Variants in ELMO1 observed in about 807,000 individuals in gnomAD.
ELMO1 encodes engulfment and cell motility protein 1.
ELMO1 carries 26 observed loss-of-function variants against 98.9 expected under a neutral mutation model. The ratio of observed to expected loss-of-function variants is 0.26; its 90% CI spans 0.19 to 0.36. ELMO1 has a LOEUF of 0.36. Ranked by LOEUF, ELMO1 falls within the 10% of genes least tolerant of loss-of-function variation. ELMO1 has a pLI of 1.00. For synonymous variants in ELMO1, 346 were observed against 346.0 expected (o/e 1.00, Z 0.00); for missense variants, 627 against 935.2 (o/e 0.67, Z 4.30).
intron 5 of ELMO1, chr7:37,269,398 T>C (rs945672748): frequency 3.3e-5 from 5 of 151,330 alleles, no homozygotes; most frequent in East Asian, 1.9e-4. Context: ...TTTTGGAAAA[T>C]GTAAGCCAGT....
intron 20 of ELMO1, among the ~76,000 whole-genome samples, chr7:36,868,291 G>A (rs1190117316): frequency 6.6e-6 from 1 of 151,808 alleles, no homozygotes; most frequent in Non-Finnish European, 1.5e-5. Flanking sequence ...TTCTAGGATA[G>A]GTCCAAGAAA....
chr7:36,935,197 G>GT (rs1326116031), intron 16 of ELMO1, among the ~76,000 whole-genome samples: 1 of 152,138 alleles, frequency 6.6e-6, no homozygotes, highest in Non-Finnish European at 1.5e-5. Context: ...AGATCAGATG[G>GT]TTTTATAAGG....
intron 1 of ELMO1, among the ~76,000 whole-genome samples, chr7:37,345,750 GA>G (rs1800971718): frequency 6.6e-6 from 1 of 151,846 alleles, no homozygotes; most frequent in African/African-American, 2.4e-5. Flanking sequence ...AGCACTTTGG[GA>G]GGCCGAGGCA....
chr7:37,143,263 G>A (rs569918486), intron 13 of ELMO1, among the ~76,000 whole-genome samples: 2 of 151,832 alleles, frequency 1.3e-5, no homozygotes, highest in East Asian at 3.9e-4. Context: ...ATGTGGCAAA[G>A]CCAGACTGTG....
intron 15 of ELMO1, among the ~76,000 whole-genome samples, chr7:37,063,704 G>A (rs755086420): frequency 6.6e-6 from 1 of 151,964 alleles, no homozygotes; most frequent in South Asian, 2.1e-4. Context: ...CCCTTCACTC[G>A]ATTCCCCTCC....
At chr7:37,304,358 T>C (rs1366815743) in intron 4 of ELMO1, among the ~76,000 whole-genome samples, 1 of 152,122 alleles carries the variant, frequency 6.6e-6, no homozygotes, top group Non-Finnish European at 1.5e-5. Context: ...AGGGTGTGTG[T>C]GTGTGCGTGT....
At chr7:36,864,933 G>C (rs1297204436) in intron 20 of ELMO1, among the ~76,000 whole-genome samples, 1 of 152,204 alleles carries the variant, frequency 6.6e-6, no homozygotes, top group Admixed American at 6.5e-5. Context: ...GGAGGCAGAG[G>C]AAAGTGAACA....
chr7:37,028,036 C>T (rs77786110), intron 15 of ELMO1, among the ~76,000 whole-genome samples: 1 of 146,520 alleles, frequency 6.8e-6, no homozygotes, highest in East Asian at 2.0e-4. Flanking sequence ...CGAGAACTGT[C>T]TTTTTTTTTT....
At chr7:37,195,464 T>G (rs113188990) in intron 13 of ELMO1, among the ~76,000 whole-genome samples, 42 of 152,356 alleles carry the variant, frequency 2.8e-4, no homozygotes, top group African/African-American at 9.6e-4. Flanking sequence ...AGGTGACCGA[T>G]GGGACGCCAT....
chr7:37,239,666 T>C (rs1337555476), intron 7 of ELMO1, among the ~76,000 whole-genome samples: 4 of 151,978 alleles, frequency 2.6e-5, no homozygotes, highest in Admixed American at 6.6e-5. Context: ...CTTGGGACCA[T>C]GAAACAGATC....
intron 16 of ELMO1, among the ~76,000 whole-genome samples, chr7:36,941,060 T>C (rs916406660): frequency 2.6e-5 from 4 of 152,224 alleles, no homozygotes; most frequent in Admixed American, 2.6e-4. Flanking sequence ...ATAATGTAAA[T>C]GAAATTCCAA....
At chr7:37,286,241 ATGGAGGAG>A (rs2130926734) in intron 4 of ELMO1, among the ~76,000 whole-genome samples, 1 of 152,294 alleles carries the variant, frequency 6.6e-6, no homozygotes, top group African/African-American at 2.4e-5. Flanking sequence ...AACACTAGGG[ATGGAGGAG>A]TGGCCAAGCT....
chr7:36,899,549 A>G (rs1426179431), intron 16 of ELMO1, among the ~76,000 whole-genome samples: 1 of 152,188 alleles, frequency 6.6e-6, no homozygotes, highest in Non-Finnish European at 1.5e-5. Flanking sequence ...ACAGACAGGT[A>G]CTAGCTGCAG....
chr7:37,309,465 T>C (rs1291412634), intron 4 of ELMO1, among the ~76,000 whole-genome samples: 1 of 152,214 alleles, frequency 6.6e-6, no homozygotes, highest in African/African-American at 2.4e-5. Flanking sequence ...TTATTGCCTG[T>C]GGACTGGCCC....
intron 16 of ELMO1, among the ~76,000 whole-genome samples, chr7:36,962,686 G>C (rs1789059091): frequency 7.3e-6 from 1 of 136,888 alleles, no homozygotes; most frequent in South Asian, 2.6e-4. Context: ...GTGGGGGTGG[G>C]AAGAAAAGCA....
chr7:37,378,282 T>A (rs1802440486), intron 1 of ELMO1, among the ~76,000 whole-genome samples: 1 of 152,190 alleles, frequency 6.6e-6, no homozygotes, highest in South Asian at 2.1e-4. Context: ...GGGTACTGTG[T>A]GGCCTGTACA....
At chr7:37,393,457 A>G (rs1410670999) in intron 1 of ELMO1, among the ~76,000 whole-genome samples, 2 of 152,220 alleles carry the variant, frequency 1.3e-5, no homozygotes. Flanking sequence ...ATAGTACTTT[A>G]TAGTACATTA....
chr7:37,399,541 T>C (rs1054944704), intron 1 of ELMO1, among the ~76,000 whole-genome samples: 1 of 152,206 alleles, frequency 6.6e-6, no homozygotes, highest in Non-Finnish European at 1.5e-5. Context: ...CACTAGCTGC[T>C]GTCAAGTACA....
chr7:36,985,585 C>G (rs1417441421), intron 16 of ELMO1, among the ~76,000 whole-genome samples: 1 of 151,914 alleles, frequency 6.6e-6, no homozygotes, highest in Non-Finnish European at 1.5e-5. Context: ...TAGCAATACA[C>G]AGGGTTGACT....
Sources: gnomAD v4.1 joint callset for allele counts (sites outside exome capture counted in the v4.1 genomes callset) on GRCh38, gnomAD v4.1.1 for gene constraint, MANE v1.5 for transcripts, NCBI Gene and HGNC (gene_info 2026-07-23, HGNC 2026-07-21) for gene names.